Variants in DOCK3 observed in about 807,000 individuals in gnomAD.
The protein encoded by DOCK3 is dedicator of cytokinesis 3, also known as dedicator of cytokinesis protein 3.
A neutral mutation model predicts 265.6 loss-of-function variants in DOCK3; 60 were observed. The ratio of observed to expected loss-of-function variants is 0.23; its 90% CI spans 0.18 to 0.28. DOCK3 has a LOEUF of 0.28. DOCK3 is among the 10% of genes least tolerant of loss of function. The pLI is 1.00. For synonymous variants in DOCK3, 881 were observed against 938.0 expected, an observed-to-expected ratio of 0.94 and a Z score of 1.11; for missense variants, 1,981 against 2,594.3, an observed-to-expected ratio of 0.76 and a Z score of 5.14.
chr3:51,217,229 G>C (rs2089839000), intron 14 of DOCK3, among the ~76,000 whole-genome samples: 1 of 151,700 alleles, frequency 6.6e-6, no homozygotes, highest in African/African-American at 2.4e-5. Flanking sequence ...GGAGAGTTCA[G>C]ACAGGCTCTA....
At chr3:50,921,246 TTTC>T (rs2050445033) in intron 4 of DOCK3, among the ~76,000 whole-genome samples, 1 of 152,184 alleles carries the variant, frequency 6.6e-6, no homozygotes, top group South Asian at 2.1e-4. Context: ...GCTTTGTTCA[TTTC>T]TTTTTACTCT....
chr3:51,141,485 C>G (rs2085068096), intron 9 of DOCK3, among the ~76,000 whole-genome samples: 1 of 151,746 alleles, frequency 6.6e-6, no homozygotes, highest in South Asian at 2.1e-4. Context: ...TTCATTTTTA[C>G]TTAATTTTTA....
intron 24 of DOCK3, among the ~76,000 whole-genome samples, chr3:51,271,742 T>C (rs1331566272): frequency 6.6e-6 from 1 of 151,382 alleles, no homozygotes; most frequent in Non-Finnish European, 1.5e-5. Flanking sequence ...TCCCAGCTAC[T>C]CAGGAGTCTG....
intron 9 of DOCK3, among the ~76,000 whole-genome samples, chr3:51,103,173 A>G (rs2083150112): frequency 6.6e-6 from 1 of 152,228 alleles, no homozygotes; most frequent in Non-Finnish European, 1.5e-5. Flanking sequence ...AATGGAAAAT[A>G]TAAATATTTC....
chr3:50,757,877 T>C (rs1050276145), intron 1 of DOCK3, among the ~76,000 whole-genome samples: 1 of 152,090 alleles, frequency 6.6e-6, no homozygotes, highest in Non-Finnish European at 1.5e-5. Flanking sequence ...GGCACCTTTA[T>C]TGAAAATTAA....
At chr3:50,850,359 C>CA (rs774057419) in intron 3 of DOCK3, among the ~76,000 whole-genome samples, 9,711 of 123,366 alleles carry the variant, frequency 0.079, 656 homozygotes, top group East Asian at 0.35. Flanking sequence ...GACTCCATCT[C>CA]AAAAAAAAAA....
chr3:50,910,118 A>G (rs2049784471), intron 4 of DOCK3, among the ~76,000 whole-genome samples: 1 of 151,724 alleles, frequency 6.6e-6, no homozygotes, highest in South Asian at 2.1e-4. Context: ...ATCAGCTCTT[A>G]TATTGTTTTT....
At chr3:51,204,987 C>A (rs553132497) in intron 12 of DOCK3, among the ~76,000 whole-genome samples, 3,866 of 138,270 alleles carry the variant, frequency 0.028, 69 homozygotes, top group Non-Finnish European at 0.04. Context: ...GGACACAGGA[C>A]GGGGAACATC....
intron 5 of DOCK3, among the ~76,000 whole-genome samples, chr3:51,050,536 A>G (rs6768601): frequency 0.9 from 137,202 of 152,176 alleles, 62,044 homozygotes; most frequent in African/African-American, 0.95. Flanking sequence ...CTAGAAATTG[A>G]CCCACACTTA....
At chr3:51,270,657 G>A (rs1388258076) in intron 23 of DOCK3, among the ~76,000 whole-genome samples, 158 bp from the exon 24 acceptor site, 1 of 152,154 alleles carries the variant, frequency 6.6e-6, no homozygotes, top group African/African-American at 2.4e-5. Context: ...CTTGCTCCAT[G>A]CCTGAGTGCT....
chr3:50,999,427 T>C (rs2078394968), intron 5 of DOCK3, among the ~76,000 whole-genome samples: 1 of 152,204 alleles, frequency 6.6e-6, no homozygotes. Context: ...CAAATACTTA[T>C]ATTGGGGATT....
At chr3:50,845,651 A>G (rs2046044955) in intron 3 of DOCK3, among the ~76,000 whole-genome samples, 1 of 152,216 alleles carries the variant, frequency 6.6e-6, no homozygotes, top group Admixed American at 6.5e-5. Flanking sequence ...CTGTCATTCA[A>G]CAGAGATGTG....
chr3:51,112,948 A>T (rs1301732910), intron 9 of DOCK3, among the ~76,000 whole-genome samples: 1 of 152,212 alleles, frequency 6.6e-6, no homozygotes, highest in Non-Finnish European at 1.5e-5. Flanking sequence ...AGAGGGTATT[A>T]TAAGTAATTT....
chr3:51,016,608 ATT>A (rs1491237462), intron 5 of DOCK3, among the ~76,000 whole-genome samples: 3 of 74,278 alleles, frequency 4.0e-5, no homozygotes, highest in African/African-American at 1.4e-4. Context: ...TGATATATAT[ATT>A]ATATATTTAT....
At chr3:50,704,658 CT>C in intron 1 of DOCK3, among the ~76,000 whole-genome samples, 1 of 143,306 alleles carries the variant, frequency 7.0e-6, no homozygotes, top group East Asian at 2.1e-4. Flanking sequence ...CGGAGTCTCA[CT>C]CTGTCACCCA....
chr3:51,332,890 C>T, intron 33 of DOCK3, 111 bp from the exon 34 acceptor site: 2 of 1,437,338 alleles, frequency 1.4e-6, no homozygotes, highest in East Asian at 2.4e-5. Context: ...CTCCCTCCCC[C>T]CACCTCAGTG....
chr3:51,212,505 A>G (rs1315754522), intron 13 of DOCK3, among the ~76,000 whole-genome samples: 1 of 143,380 alleles, frequency 7.0e-6, no homozygotes, highest in African/African-American at 2.6e-5. Context: ...ATCCCCAGCT[A>G]TTTGCTTCAT....
intron 3 of DOCK3, among the ~76,000 whole-genome samples, chr3:50,850,376 T>C (rs1406227406): frequency 6.7e-6 from 1 of 149,128 alleles, no homozygotes; most frequent in Non-Finnish European, 1.5e-5. Flanking sequence ...AAAAAAAAAG[T>C]TTCTTTGTGT....
At chr3:51,195,441 G>A (rs1434592106) in intron 12 of DOCK3, among the ~76,000 whole-genome samples, 2 of 151,954 alleles carry the variant, frequency 1.3e-5, no homozygotes, top group Admixed American at 1.3e-4. Context: ...TTGAGACAGA[G>A]TCTTGCTCTG....
Sources: gnomAD v4.1 joint callset for allele counts (sites outside exome capture counted in the v4.1 genomes callset) on GRCh38, gnomAD v4.1.1 for gene constraint, MANE v1.5 for transcripts, NCBI Gene and HGNC (gene_info 2026-07-23, HGNC 2026-07-21) for gene names.